KEAP1: variants seen among roughly 807,000 people sequenced by gnomAD.
KEAP1 encodes kelch like ECH associated protein 1, also known as kelch-like ECH-associated protein 1.
A neutral mutation model predicts 59.7 loss-of-function variants in KEAP1; 26 were observed. The observed-to-expected ratio is 0.44, with a 90% CI of 0.32 to 0.60. The LOEUF (loss-of-function observed/expected upper bound fraction) is 0.60, where lower values mean the gene tolerates loss of function less well. KEAP1 is among the 20% of genes least tolerant of loss of function. The pLI, the probability that KEAP1 is intolerant of heterozygous loss-of-function variation, is 0.06. For missense variants in KEAP1, 539 were observed against 871.4 expected (o/e 0.62, Z 4.80); for synonymous variants, 350 against 358.3 (o/e 0.98, Z 0.26).
At chr19:10,495,710 A>G (rs1914826484) in intron 2 of KEAP1, among the ~76,000 whole-genome samples, 1 of 152,096 alleles carries the variant, frequency 6.6e-6, no homozygotes, top group Non-Finnish European at 1.5e-5. Flanking sequence ...AAAAAAAAAA[A>G]AGTGGAAGCT....
chr19:10,494,082 C>T (rs1453171652), intron 2 of KEAP1, among the ~76,000 whole-genome samples: 4 of 152,030 alleles, frequency 2.6e-5, no homozygotes, highest in Non-Finnish European at 4.4e-5. Flanking sequence ...GCTGGGACTA[C>T]AGGTGTGTGC....
chr19:10,500,895 G>T (rs573736031), intron 1 of KEAP1, among the ~76,000 whole-genome samples: 1 of 152,206 alleles, frequency 6.6e-6, no homozygotes, highest in East Asian at 1.9e-4. Flanking sequence ...GGCCAGGCTG[G>T]TCTCAAACTC....
intron 2 of KEAP1, among the ~76,000 whole-genome samples, chr19:10,495,885 T>TG (rs751974796): frequency 2.6e-5 from 4 of 152,126 alleles, no homozygotes; most frequent in Non-Finnish European, 5.9e-5. Flanking sequence ...TACAGAGCCC[T>TG]GGATAAATAT....
chr19:10,486,519 C>T lies in KEAP1; in HGVS notation c.*133G>A. 2.2e-6 allele frequency: 2 copies of T among 888,998 alleles called. No homozygotes were observed. Among genetic ancestry groups the T allele is most frequent in the East Asian group, 2.4e-5 (1 of 40,972 alleles). 55.1% of individuals were successfully genotyped at this position (888,998 alleles called of 1,614,324 possible). On this transcript the variant is annotated 3_prime_UTR_variant, in exon 6 of 6. Coordinates refer to ENST00000171111, the MANE Select transcript of KEAP1 (RefSeq NM_203500.2). ...CTTCTTTTGAGATGTCATTTTAACA[C>T]TGAGGCATCCTGGCCTCCCTTCCCG...
At chr19:10,493,227 C>T (rs950939905) in intron 2 of KEAP1, among the ~76,000 whole-genome samples, 1 of 151,228 alleles carries the variant, frequency 6.6e-6, no homozygotes, top group African/African-American at 2.4e-5. Context: ...GGAGCGATCT[C>T]CGCTTGCTGC....
intron 5 of KEAP1, 81 bp downstream of exon 5, chr19:10,489,094 TAAAAAAAAAAAAAAAAA>T: frequency 2.4e-6 from 1 of 424,270 alleles, no homozygotes; most frequent in Non-Finnish European, 3.7e-6. Context: ...ACCTTGTTTC[TAAAAAAAAAAAAAAAAA>T]AAAAAAAAAG....
At chr19:10,492,376 G>T in intron 2 of KEAP1, 114 bp from the exon 3 acceptor site, 1 of 730,158 alleles carries the variant, frequency 1.4e-6, no homozygotes, top group Non-Finnish European at 2.3e-6. Context: ...TTCCTTATCT[G>T]CTAAATGGGG....
chr19:10,494,946 G>A (rs561607003), intron 2 of KEAP1, among the ~76,000 whole-genome samples: 6 of 149,602 alleles, frequency 4.0e-5, no homozygotes, highest in East Asian at 2.0e-4. Flanking sequence ...GAGCCAACGC[G>A]CCCGGCCTCT....
chr19:10,487,415 G>C (rs556552019), intron 5 of KEAP1, among the ~76,000 whole-genome samples: 10 of 152,184 alleles, frequency 6.6e-5, no homozygotes, highest in Admixed American at 3.3e-4. Flanking sequence ...CCAGCACTTT[G>C]GGAGGCCGAG....
Position 10,499,479 on chromosome 19 carries a change from G to A in KEAP1, c.555C>T (p.Ile185=), listed in dbSNP as rs1376350378. ...TCTGCTCAGCGAAGTTGGCGATGCCGATGGCATTGCTGGGGTCCAGCTGCT... is the reference window on the plus strand; with the variant it reads ...TCTGCTCAGCGAAGTTGGCGATGCCAATGGCATTGCTGGGGTCCAGCTGCT... ...LVQQLDPSNA[I]GIANFAEQIG... is the part of the protein sequence containing the mutation. The change falls in exon 2 of 6, where the codon ATC becomes ATT. Residue 185 remains isoleucine (I), a synonymous_variant. Transcript: ENST00000171111. This position sits in a 1 kb window ranked among gnomAD's most constrained non-coding sequence, Gnocchi z 6.7. 21 of 1,614,004 alleles carry A rather than the reference G, an allele frequency of 1.3e-5. No homozygotes were observed. Among genetic ancestry groups the A allele is most frequent in the East Asian group, 4.5e-5 (2 of 44,904 alleles).
chr19:10,499,870 G>T lies in KEAP1; in HGVS notation c.164C>A (p.Thr55Asn), dbSNP rs1312144075. 1.2e-6 allele frequency: 2 copies of T among 1,613,696 alleles called. No homozygotes were observed. The highest frequency in any genetic ancestry group is 2.2e-5 in the South Asian group (2 of 91,086). The change falls in exon 2 of 6, where the codon ACC becomes AAC. Residue 55 changes from threonine to asparagine, a missense_variant. This residue lies in a region of KEAP1 where 166 missense variants were observed against 295.8 expected (regional missense o/e 0.56). Transcript: ENST00000171111. The surrounding 1 kb of genome is among the most constrained non-coding windows in gnomAD (Gnocchi z 6.7). ...SQHGNRTFSYTLEDHTKQAFG... is the reference protein window; with the variant it reads ...SQHGNRTFSYNLEDHTKQAFG... ...GGCCTGCTTGGTATGATCCTCCAGG[G>T]TGTAGCTGAAGGTGCGGTTGCCATG...
chr19:10,502,818 C>T lies in KEAP1; in HGVS notation c.-48+423G>A, dbSNP rs1200291358. 2.0e-5 allele frequency: 3 copies of T among 152,084 alleles called. No individual in the cohort carries two copies. Among genetic ancestry groups the T allele is most frequent in the African/African-American group, 7.2e-5 (3 of 41,424 alleles). The allele number at this position is 152,084 out of a possible 1,614,324, so 9.4% of individuals were successfully genotyped here. Reference sequence around the variant, plus strand: ...ATGACTAAGCAGAGCCGGGCGCCCGCCGTGTCACAATAAAAGTCCCCGGGC... The same window carrying T: ...ATGACTAAGCAGAGCCGGGCGCCCGTCGTGTCACAATAAAAGTCCCCGGGC... On this transcript the variant is annotated intron_variant, in intron 1 of 5. Coordinates refer to ENST00000171111, the MANE Select transcript of KEAP1 (RefSeq NM_203500.2). This position sits in a 1 kb window ranked among gnomAD's most constrained non-coding sequence, Gnocchi z 4.0.
chr19:10,498,199 C>A (rs1189349627), intron 2 of KEAP1, among the ~76,000 whole-genome samples: 2 of 106,134 alleles, frequency 1.9e-5, no homozygotes, highest in African/African-American at 3.5e-5. Context: ...CGCGCCCAGG[C>A]TTTTTTTTTT....
Position 10,493,114 on chromosome 19 carries a change from G to C in KEAP1, c.640-852C>G, listed in dbSNP as rs1183125054. Among the ~76,000 whole-genome samples the C allele has an allele frequency of 1.1e-4, 17 of 151,168 alleles. No individual in the cohort carries two copies. In the Admixed American group the frequency reaches 1.1e-3, roughly 10 times the overall value. ...AGGTTCAAGTGATTCTCCTGCCTCA[G>C]CCTCCCAAGTAGCTAGGATTACAGG... On this transcript the variant is annotated intron_variant, in intron 2 of 5. Coordinates refer to ENST00000171111, the MANE Select transcript of KEAP1 (RefSeq NM_203500.2).
intron 2 of KEAP1, among the ~76,000 whole-genome samples, chr19:10,498,459 A>C (rs1208904485): frequency 6.6e-6 from 1 of 151,658 alleles, no homozygotes; most frequent in African/African-American, 2.4e-5. Flanking sequence ...CACCCGCCTC[A>C]GCCTCCCAAA....
chr19:10,497,916 T>C (rs1470206484), intron 2 of KEAP1, among the ~76,000 whole-genome samples: 1 of 152,108 alleles, frequency 6.6e-6, no homozygotes, highest in Admixed American at 6.6e-5. Flanking sequence ...TCTTTTTTTT[T>C]TGAGACAGAG....
chr19:10,492,456 C>T (rs1568398916), intron 2 of KEAP1, 194 bp from the exon 3 acceptor site: 3 of 578,760 alleles, frequency 5.2e-6, no homozygotes, highest in South Asian at 4.1e-5. Flanking sequence ...CGGTGGCTCA[C>T]GCCTGTAATG....
At position 10,502,013 on chromosome 19, in the gene KEAP1, G is replaced by A. The variant is rs928443683; in HGVS notation, c.-48+1228C>T. On this transcript the variant is annotated intron_variant, in intron 1 of 5. Transcript: ENST00000171111. This position sits in a 1 kb window ranked among gnomAD's most constrained non-coding sequence, Gnocchi z 4.0. ...CTGAAATGACCTCCTTTGCTTGTCT[G>A]TTGATCGACTGTCTCTCGTCCCCGG... Among the ~76,000 whole-genome samples, 7 of 152,322 alleles carry A rather than the reference G, an allele frequency of 4.6e-5. No individual in the cohort carries two copies. The highest frequency in any genetic ancestry group is 7.3e-5 in the Non-Finnish European group (5 of 68,028).
chr19:10,497,139 A>G (rs888965386), intron 2 of KEAP1, among the ~76,000 whole-genome samples: 1 of 150,458 alleles, frequency 6.6e-6, no homozygotes, highest in Admixed American at 6.6e-5. Context: ...AAAAAAAAAA[A>G]GTTGTCAGGC....
Sources: gnomAD v4.1 joint callset for allele counts (sites outside exome capture counted in the v4.1 genomes callset) on GRCh38, gnomAD v4.1.1 for gene constraint, gnomAD v4.1.1 regional missense constraint, Gnocchi (gnomAD v3.1) non-coding constraint, MANE v1.5 for transcripts, NCBI Gene and HGNC (gene_info 2026-07-23, HGNC 2026-07-21) for gene names.